TRIM59: variants seen among roughly 807,000 people sequenced by gnomAD.
The protein encoded by TRIM59 is tripartite motif-containing protein 59.
In TRIM59, 14 loss-of-function variants were observed where a neutral mutation model predicts 32.2. The observed-to-expected ratio is 0.43, with a 90% confidence interval of 0.29 to 0.68. TRIM59 has a LOEUF of 0.68. TRIM59 is among the 30% of genes least tolerant of loss of function. The probability of loss-of-function intolerance (pLI) is 0.15; values close to 1 mark genes in which losing one functional copy is unlikely to be tolerated. For missense variants in TRIM59, 471 were observed against 463.3 expected, an observed-to-expected ratio of 1.02 and a Z score of -0.15; for synonymous variants, 163 against 155.1, an observed-to-expected ratio of 1.05 and a Z score of -0.38.
At chr3:160,442,647 A>T (rs1719315658) in intron 2 of TRIM59, among the ~76,000 whole-genome samples, 1 of 152,204 alleles carries the variant, frequency 6.6e-6, no homozygotes, top group African/African-American at 2.4e-5. Context: ...TTTTAGACAA[A>T]AATTTGTGGA....
intron 2 of TRIM59, among the ~76,000 whole-genome samples, chr3:160,446,452 T>C (rs1370287523): frequency 6.6e-6 from 1 of 152,166 alleles, no homozygotes; most frequent in Non-Finnish European, 1.5e-5. Flanking sequence ...TAAGGTTCTT[T>C]CCAGAAATAC....
Position 160,438,058 on chromosome 3 carries a change from A to C in TRIM59, c.1126T>G (p.Ser376Ala). The change falls in exon 3 of 3, where the codon TCT (serine) becomes GCT (alanine). Residue 376 changes from serine (S) to alanine (A), a missense_variant. Coordinates refer to ENST00000309784, the MANE Select transcript of TRIM59 (RefSeq NM_173084.3). ...TTCTTTACCTTATGCAGACTGTTAG[A>C]TAAACTTTGGTAAACAGATAGAGAG... is the stretch of plus-strand genomic sequence containing the variant. ...EASLSVYQSL[S>A]NSLHKVKNIL... is the part of the protein sequence containing the mutation. 1 of 1,607,736 alleles carries C rather than the reference A, an allele frequency of 6.2e-7. No homozygotes were observed. The highest frequency in any genetic ancestry group is 8.5e-7 in the Non-Finnish European group (1 of 1,178,380).
At chr3:160,442,590 T>C (rs1212971520) in intron 2 of TRIM59, among the ~76,000 whole-genome samples, 1 of 151,768 alleles carries the variant, frequency 6.6e-6, no homozygotes, top group African/African-American at 2.4e-5. Flanking sequence ...AAAATCGTGG[T>C]TGGTCTCAAA....
intron 2 of TRIM59, 122 bp downstream of exon 2, chr3:160,448,604 T>C: frequency 1.9e-6 from 1 of 513,916 alleles, no homozygotes. Context: ...GGTTGGAGTT[T>C]TATACACCGC....
chr3:160,448,817 CT>C, intron 1 of TRIM59, 22 bp from the exon 2 acceptor site: 2 of 1,159,412 alleles, frequency 1.7e-6, no homozygotes, highest in Non-Finnish European at 2.2e-6. Context: ...ATAATGTTAT[CT>C]TTAATGTTTT....
rs1201086837 is a variant in TRIM59, at chr3:160,437,180, C to T, written c.*792G>A. The stretch of plus-strand genomic sequence containing the variant: ...CAACCTGGGCAATATGGCAAAACCT[C>T]GTTTCTACAAAAAACAATTTTTTTA... On this transcript the variant is annotated 3_prime_UTR_variant, in exon 3 of 3. Transcript: ENST00000309784. 8 of 692,662 alleles carry T rather than the reference C, an allele frequency of 1.2e-5. No homozygotes were observed. Among genetic ancestry groups the T allele is most frequent in the South Asian group, 1.3e-4 (2 of 15,276 alleles). 42.9% of individuals were successfully genotyped at this position (692,662 alleles called of 1,614,324 possible). A position where few individuals can be genotyped will look rare whatever the true frequency, so the allele number is the denominator to read the frequency against.
At position 160,438,961 on chromosome 3, in the gene TRIM59, CAGGTAA is replaced by C. The variant is rs966228517; in HGVS notation, c.217_222del (p.Leu73_Pro74del). 4 of 1,613,930 alleles carry C rather than the reference CAGGTAA, an allele frequency of 2.5e-6. No homozygotes were observed. The African/African-American group carries it at 4.0e-5, about 16-fold the overall frequency. On this transcript the variant is annotated inframe_deletion, in exon 3 of 3. Coordinates refer to ENST00000309784, the MANE Select transcript of TRIM59 (RefSeq NM_173084.3). ...ATAATAGCCCTTAGTGCAAAATTAA[CAGGTAA>C]AGATTCAATGCCAGTTGGAGCAATT... is the stretch of plus-strand genomic sequence containing the variant.
At chr3:160,444,784 T>A (rs573262899) in intron 2 of TRIM59, among the ~76,000 whole-genome samples, 2 of 152,302 alleles carry the variant, frequency 1.3e-5, no homozygotes, top group East Asian at 3.9e-4. Flanking sequence ...TCCAGACACA[T>A]GAGTGAAAAA....
intron 1 of TRIM59, 90 bp from the exon 2 acceptor site, chr3:160,448,885 T>C (rs1719672887): frequency 4.7e-6 from 3 of 639,224 alleles, no homozygotes; most frequent in South Asian, 3.4e-5. Context: ...TTGATATTTA[T>C]CTTCACGATG....
At chr3:160,445,537 G>A (rs1256935373) in intron 2 of TRIM59, among the ~76,000 whole-genome samples, 1 of 152,114 alleles carries the variant, frequency 6.6e-6, no homozygotes, top group African/African-American at 2.4e-5. Context: ...ACCTTGGGAG[G>A]CCGAGACAGG....
At chr3:160,445,671 G>A (rs1044970169) in intron 2 of TRIM59, among the ~76,000 whole-genome samples, 1 of 151,598 alleles carries the variant, frequency 6.6e-6, no homozygotes, top group Non-Finnish European at 1.5e-5. Flanking sequence ...CTACTCGGGA[G>A]GCTGAGGCAG....
Position 160,439,060 on chromosome 3 carries a change from C to G in TRIM59, c.124G>C (p.Gly42Arg). 6.3e-7 allele frequency: 1 copy of G among 1,575,910 alleles called. No individual in the cohort carries two copies. The change falls in exon 3 of 3, where the codon GGT becomes CGT. Residue 42 changes from glycine (G) to arginine (R), a missense_variant. Transcript: ENST00000309784. ...NCLENILQAS[G>R]NFYIWRPLRI... Reference sequence around the variant, plus strand: ...AAAGGTCTCCATATATAAAAGTTACCAGATGCCTGAAGAATGTTTTCCAAA... The same window carrying G: ...AAAGGTCTCCATATATAAAAGTTACGAGATGCCTGAAGAATGTTTTCCAAA...
At position 160,435,758 on chromosome 3, in the gene TRIM59, A is replaced by T; in HGVS notation, c.*2214T>A. 5.4e-6 allele frequency: 2 copies of T among 370,068 alleles called. No homozygotes were observed. Among genetic ancestry groups the T allele is most frequent in the South Asian group, 2.1e-5 (1 of 48,260 alleles). 22.9% of individuals were successfully genotyped at this position (370,068 alleles called of 1,614,324 possible). A position where few individuals can be genotyped will look rare whatever the true frequency, so the allele number is the denominator to read the frequency against. ...ATATACTTACGTTTTTAGCATTCTT[A>T]CAGATTACAAACCCTTACCAACATT... is the stretch of plus-strand genomic sequence containing the variant. On this transcript the variant is annotated 3_prime_UTR_variant, in exon 3 of 3. Coordinates refer to ENST00000309784, the MANE Select transcript of TRIM59 (RefSeq NM_173084.3).
intron 2 of TRIM59, among the ~76,000 whole-genome samples, chr3:160,447,144 A>AT (rs149397523): frequency 0.045 from 6,921 of 152,240 alleles, 219 homozygotes; most frequent in Middle Eastern, 0.078. Flanking sequence ...ATTTTACACA[A>AT]TAAAAAAAAA....
Position 160,437,683 on chromosome 3 carries a change from A to G in TRIM59, c.*289T>C. ...TAATGGTAAAAGACAATATTGGTAC[A>G]AGAATGTTTAAATGTCACAGCAACA... On this transcript the variant is annotated 3_prime_UTR_variant, in exon 3 of 3. Transcript: ENST00000309784. 2 of 1,059,222 alleles carry G rather than the reference A, an allele frequency of 1.9e-6. No homozygotes were observed. The highest frequency in any genetic ancestry group is 2.3e-6 in the Non-Finnish European group (2 of 879,094). 65.6% of individuals were successfully genotyped at this position (1,059,222 alleles called of 1,614,324 possible).
chr3:160,439,302 A>T, intron 2 of TRIM59, 116 bp from the exon 3 acceptor site: 1 of 820,040 alleles, frequency 1.2e-6, no homozygotes, highest in South Asian at 4.1e-5. Context: ...AAAAGAGAAC[A>T]AGGTATTTTT....
chr3:160,437,832 A>C lies in TRIM59; in HGVS notation c.*140T>G. ...TAACTTTGACATATCATTGCTAACCAAAAGAAGCAACAAATATAAACATTT... is the reference window on the plus strand; with the variant it reads ...TAACTTTGACATATCATTGCTAACCCAAAGAAGCAACAAATATAAACATTT... On this transcript the variant is annotated 3_prime_UTR_variant, in exon 3 of 3. Coordinates refer to ENST00000309784, the MANE Select transcript of TRIM59 (RefSeq NM_173084.3). The C allele has an allele frequency of 2.3e-6, 3 of 1,286,874 alleles. No individual in the cohort carries two copies. Among genetic ancestry groups the C allele is most frequent in the Non-Finnish European group, 2.9e-6 (3 of 1,018,928 alleles). 79.7% of individuals were successfully genotyped at this position (1,286,874 alleles called of 1,614,324 possible). A position where few individuals can be genotyped will look rare whatever the true frequency, so the allele number is the denominator to read the frequency against.
rs1413874545 is a variant in TRIM59 at position 160,438,442 on chromosome 3, G to A, written c.742C>T (p.Leu248Phe). Residue 248 changes from leucine (L) to phenylalanine (F), a missense_variant, in exon 3 of 3, where the codon CTT becomes TTT. Transcript: ENST00000309784. ...LTISLQEESP[L>F]KFLEKVDDVR... ...TCATCAACTTTTTCAAGAAATTTAA[G>A]TGGAGACTCTTCTTGTAAAGATATT... The A allele has an allele frequency of 8.1e-6, 13 of 1,613,858 alleles. No homozygotes were observed. Among genetic ancestry groups the A allele is most frequent in the Non-Finnish European group, 1.1e-5 (13 of 1,179,994 alleles).
intron 1 of TRIM59, chr3:160,449,419 C>G: frequency 9.1e-7 from 1 of 1,093,742 alleles, no homozygotes; most frequent in Non-Finnish European, 1.2e-6. Context: ...TCGGCACCCG[C>G]CCGTCCCCAA....
Sources: gnomAD v4.1 joint callset for allele counts (sites outside exome capture counted in the v4.1 genomes callset) on GRCh38, gnomAD v4.1.1 for gene constraint, MANE v1.5 for transcripts, NCBI Gene and HGNC (gene_info 2026-07-23, HGNC 2026-07-21) for gene names.